The following UFSP2 variants were observed in gnomAD, a reference collection of about 807,000 sequenced individuals.
The protein encoded by UFSP2 is ufm1-specific protease 2.
UFSP2 carries 43 observed loss-of-function variants against 60.2 expected under a neutral mutation model. The observed-to-expected ratio is 0.71, with a 90% CI of 0.56 to 0.92. The LOEUF is 0.92. Ranked by LOEUF, UFSP2 falls within the 40% of genes least tolerant of loss-of-function variation. The probability of loss-of-function intolerance (pLI) is 0.00; values close to 1 mark genes in which losing one functional copy is unlikely to be tolerated. For synonymous variants in UFSP2, 183 were observed against 195.1 expected, an observed-to-expected ratio of 0.94 and a Z score of 0.52; for missense variants, 520 against 575.0, an observed-to-expected ratio of 0.90 and a Z score of 0.98.
chr4:185,415,427 T>A, intron 5 of UFSP2, 80 bp from the exon 6 acceptor site: 1 of 1,276,908 alleles, frequency 7.8e-7, no homozygotes, highest in Non-Finnish European at 1.1e-6. Flanking sequence ...AATATATCCT[T>A]AGTATAGTAA....
rs753105862 is a variant in UFSP2 at position 185,405,827 on chromosome 4, C to T, written c.1151G>A (p.Arg384Gln). 9 of 1,614,042 alleles carry T rather than the reference C, an allele frequency of 5.6e-6. No individual in the cohort carries two copies. The highest frequency in any genetic ancestry group is 1.3e-5 in the African/African-American group (1 of 75,034). The change falls in exon 10 of 12, where the codon CGG (arginine) becomes CAG (glutamine). Residue 384 changes from arginine to glutamine, a missense_variant. Coordinates refer to ENST00000264689, the MANE Select transcript of UFSP2 (RefSeq NM_018359.5). Reference protein sequence around the residue: ...SQGSEIASQGRELANHFQSEG... With the variant: ...SQGSEIASQGQELANHFQSEG... Reference sequence around the variant, plus strand: ...ACTTTGGAAATGATTAGCCAGTTCCCGTCCTTGAGAGGCAATTTCTGAACC... The same window carrying T: ...ACTTTGGAAATGATTAGCCAGTTCCTGTCCTTGAGAGGCAATTTCTGAACC...
rs564345019 is a variant in UFSP2 at position 185,413,274 on chromosome 4, G to A, written c.831+452C>T. On this transcript the variant is annotated intron_variant, in intron 7 of 11. Transcript: ENST00000264689. Reference sequence around the variant, plus strand: ...GTGGTGGCAGGTGCCTGTAACCCCAGCTGCTCAGGAGACTGAGGCAGGAGA... The same window carrying A: ...GTGGTGGCAGGTGCCTGTAACCCCAACTGCTCAGGAGACTGAGGCAGGAGA... Among the ~76,000 whole-genome samples, 8 of 152,284 alleles carry A rather than the reference G, an allele frequency of 5.3e-5. No individual in the cohort carries two copies. The East Asian group carries it at 1.5e-3, about 29-fold the overall frequency.
Position 185,400,165 on chromosome 4 carries a change from C to G in UFSP2, c.*227G>C. 2 of 794,434 alleles carry G rather than the reference C, an allele frequency of 2.5e-6. No homozygotes were observed. The highest frequency in any genetic ancestry group is 4.0e-6 in the Non-Finnish European group (2 of 502,658). The allele number at this position is 794,434 out of a possible 1,614,324, so 49.2% of individuals were successfully genotyped here. A position where few individuals can be genotyped will look rare whatever the true frequency, so the allele number is the denominator to read the frequency against. On this transcript the variant is annotated 3_prime_UTR_variant, in exon 12 of 12. Transcript: ENST00000264689. ...TTCCAAGTGAAGATCCATTTAAGAA[C>G]ACATGTATTTACATGCCTATAATAT...
intron 1 of UFSP2, among the ~76,000 whole-genome samples, chr4:185,424,374 A>G (rs79469965): frequency 0.051 from 7,752 of 152,252 alleles, 245 homozygotes; most frequent in South Asian, 0.089. Context: ...ACTTACTCCA[A>G]TCCTCAGAAC....
Position 185,400,237 on chromosome 4 carries a change from A to G in UFSP2, c.*155T>C. 1.4e-6 allele frequency: 1 copy of G among 736,204 alleles called. No individual in the cohort carries two copies. Among genetic ancestry groups the G allele is most frequent in the Non-Finnish European group, 2.2e-6 (1 of 458,976 alleles). 45.6% of individuals were successfully genotyped at this position (736,204 alleles called of 1,614,324 possible). ...TTTTAAGTTATTAAAGGAACGTCTA[A>G]AAAATACATTCTCCGTGCAGTATTT... On this transcript the variant is annotated 3_prime_UTR_variant, in exon 12 of 12. Transcript: ENST00000264689.
At chr4:185,404,522 C>A (rs538048982) in intron 10 of UFSP2, among the ~76,000 whole-genome samples, 2 of 151,950 alleles carry the variant, frequency 1.3e-5, no homozygotes, top group Non-Finnish European at 2.9e-5. Context: ...TGGTCTCGAT[C>A]TCCTGACCTC....
rs1212777282 is a variant in UFSP2 at position 185,408,364 on chromosome 4, G to A, written c.903C>T (p.Gly301=). 2.5e-6 allele frequency: 4 copies of A among 1,613,976 alleles called. No individual in the cohort carries two copies. Among genetic ancestry groups the A allele is most frequent in the Non-Finnish European group, 3.4e-6 (4 of 1,180,028 alleles). The change falls in exon 8 of 12, where the codon GGC becomes GGT. Residue 301 remains glycine, a synonymous_variant. Coordinates refer to ENST00000264689, the MANE Select transcript of UFSP2 (RefSeq NM_018359.5). ...MQDRIDDNGW[G]CAYRSLQTIC... ...TAGTCTGCAGAGATCGATAAGCACAGCCCCAGCCATTGTCATCTATGCGAT... is the reference window on the plus strand; with the variant it reads ...TAGTCTGCAGAGATCGATAAGCACAACCCCAGCCATTGTCATCTATGCGAT...
At chr4:185,416,833 A>G (rs554175886) in intron 4 of UFSP2, among the ~76,000 whole-genome samples, 22 of 152,344 alleles carry the variant, frequency 1.4e-4, no homozygotes, top group African/African-American at 5.3e-4. Context: ...GTACCAGATT[A>G]TAAACCACTG....
intron 7 of UFSP2, among the ~76,000 whole-genome samples, chr4:185,410,431 C>T (rs1326818397): frequency 4.6e-5 from 7 of 151,924 alleles, no homozygotes; most frequent in Admixed American, 3.3e-4. Context: ...GGTAGATCAC[C>T]TAAAGTCAGG....
At chr4:185,410,630 C>T (rs555815891) in intron 7 of UFSP2, among the ~76,000 whole-genome samples, 7 of 135,948 alleles carry the variant, frequency 5.1e-5, no homozygotes, top group Non-Finnish European at 1.1e-4. Context: ...CCTGGGCAAC[C>T]GAGCAAGACT....
intron 9 of UFSP2, 85 bp from the exon 10 acceptor site, chr4:185,405,941 C>T (rs758373489): frequency 1.9e-6 from 3 of 1,603,872 alleles, no homozygotes; most frequent in East Asian, 4.5e-5. Context: ...TTCCTACTTT[C>T]TTGTTTTTTC....
chr4:185,415,469 A>C, intron 5 of UFSP2, 122 bp from the exon 6 acceptor site: 4 of 885,864 alleles, frequency 4.5e-6, no homozygotes, highest in Non-Finnish European at 6.5e-6. Context: ...TGCTAAAGGA[A>C]GTCTGAATTA....
At chr4:185,424,975 G>A (rs150965458) in intron 1 of UFSP2, among the ~76,000 whole-genome samples, 1 of 152,338 alleles carries the variant, frequency 6.6e-6, no homozygotes, top group East Asian at 1.9e-4. Flanking sequence ...GAGTGAAGGT[G>A]CAATAGCCCA....
At chr4:185,421,338 T>G (rs1299977650) in intron 2 of UFSP2, among the ~76,000 whole-genome samples, 1 of 152,240 alleles carries the variant, frequency 6.6e-6, no homozygotes, top group Non-Finnish European at 1.5e-5. Context: ...AGTTTTGATG[T>G]CTGTCCCCTC....
At chr4:185,415,031 G>GGA in intron 6 of UFSP2, 124 bp downstream of exon 6, 2 of 793,780 alleles carry the variant, frequency 2.5e-6, no homozygotes, top group African/African-American at 1.8e-5. Flanking sequence ...AAAATGAATA[G>GGA]TCTAAATTCC....
chr4:185,400,082 C>T lies in UFSP2; in HGVS notation c.*310G>A, dbSNP rs2095511482. 7.0e-7 allele frequency: 1 copy of T among 1,433,820 alleles called. No homozygotes were observed. Among genetic ancestry groups the T allele is most frequent in the South Asian group, 1.2e-5 (1 of 81,626 alleles). 88.8% of individuals were successfully genotyped at this position (1,433,820 alleles called of 1,614,324 possible). A position where few individuals can be genotyped will look rare whatever the true frequency, so the allele number is the denominator to read the frequency against. On this transcript the variant is annotated 3_prime_UTR_variant, in exon 12 of 12. Transcript: ENST00000264689. The stretch of plus-strand genomic sequence containing the variant: ...TTTCATGCAAATCTATAAGCTCCTG[C>T]TTTTGGCTTTACCATATGTTGTGTC...
At position 185,405,798 on chromosome 4, in the gene UFSP2, C is replaced by G; in HGVS notation, c.1180G>C (p.Gly394Arg). Residue 394 changes from glycine to arginine, a missense_variant, in exon 10 of 12, where the codon GGA becomes CGA. Coordinates refer to ENST00000264689, the MANE Select transcript of UFSP2 (RefSeq NM_018359.5). ...AGCTTACCGATCATAACTGGAGTTC[C>G]TTCACTTTGGAAATGATTAGCCAGT... Reference protein sequence around the residue: ...RELANHFQSEGTPVMIGGGVL... With the variant: ...RELANHFQSERTPVMIGGGVL... 6.2e-7 allele frequency: 1 copy of G among 1,614,024 alleles called. No homozygotes were observed. The highest frequency in any genetic ancestry group is 1.3e-5 in the African/African-American group (1 of 75,040).
rs113700088 is a variant in UFSP2, at chr4:185,403,902, C to T, written c.1199-284G>A. Among the ~76,000 whole-genome samples, 15 of 136,526 alleles carry T rather than the reference C, an allele frequency of 1.1e-4. 1 individual carries two copies. The highest frequency in any genetic ancestry group is 2.4e-4 in the African/African-American group (9 of 38,060). 89.6% of individuals were successfully genotyped at this position (136,526 alleles called of 152,430 possible). A position where few individuals can be genotyped will look rare whatever the true frequency, so the allele number is the denominator to read the frequency against. On this transcript the variant is annotated intron_variant, in intron 10 of 11. Transcript: ENST00000264689. The stretch of plus-strand genomic sequence containing the variant: ...AGGAGAATGGCATGAACCTGGGAGA[C>T]GGAGCTTGCACTGAGCCGAGATCAT...
Position 185,403,606 on chromosome 4 carries a change from A to C in UFSP2, c.1211T>G (p.Leu404Trp). ...TGCAACTCCTAGTATTGTGTGGGCC[A>C]AAACTCCTCCCCCTATAGAAGAAAA... Reference protein sequence around the residue: ...GTPVMIGGGVLAHTILGVAWN... With the variant: ...GTPVMIGGGVWAHTILGVAWN... The change falls in exon 11 of 12, where the codon TTG (leucine) becomes TGG (tryptophan). Residue 404 changes from leucine to tryptophan, a missense_variant. Transcript: ENST00000264689. 1 of 1,611,992 alleles carries C rather than the reference A, an allele frequency of 6.2e-7. No homozygotes were observed. Among genetic ancestry groups the C allele is most frequent in the Non-Finnish European group, 8.5e-7 (1 of 1,179,382 alleles).
Sources: gnomAD v4.1 joint callset for allele counts (sites outside exome capture counted in the v4.1 genomes callset) on GRCh38, gnomAD v4.1.1 for gene constraint, MANE v1.5 for transcripts, NCBI Gene and HGNC (gene_info 2026-07-23, HGNC 2026-07-21) for gene names.